The following CASR variants were observed in gnomAD, a reference collection of about 807,000 sequenced individuals.
CASR encodes the protein extracellular calcium-sensing receptor.
In CASR, 23 loss-of-function variants were observed where a neutral mutation model predicts 69.1. The ratio of observed to expected loss-of-function variants is 0.33; its 90% CI spans 0.24 to 0.47. The LOEUF is 0.47. Ranked by LOEUF, CASR falls within the 20% of genes least tolerant of loss-of-function variation. The probability of loss-of-function intolerance (pLI) is 1.00; values close to 1 mark genes in which losing one functional copy is unlikely to be tolerated. For missense variants in CASR, 924 were observed against 1,356.1 expected, an observed-to-expected ratio of 0.68 and a Z score of 5.00; for synonymous variants, 541 against 544.7, an observed-to-expected ratio of 0.99 and a Z score of 0.10.
intron 1 of CASR, among the ~76,000 whole-genome samples, chr3:122,238,585 C>T (rs894720990): frequency 1.3e-5 from 2 of 152,186 alleles, no homozygotes; most frequent in African/African-American, 4.8e-5. Flanking sequence ...TAGGGAGACA[C>T]CAGCCAGGGT....
intron 1 of CASR, among the ~76,000 whole-genome samples, chr3:122,206,100 G>A (rs1260365700): frequency 6.6e-6 from 1 of 152,034 alleles, no homozygotes; most frequent in South Asian, 2.1e-4. Flanking sequence ...AGGACTTCCA[G>A]TGCTGCATTG....
At chr3:122,200,188 T>G (rs2073928351) in intron 1 of CASR, among the ~76,000 whole-genome samples, 1 of 152,208 alleles carries the variant, frequency 6.6e-6, no homozygotes, top group African/African-American at 2.4e-5. Context: ...ATTACAGGCA[T>G]GAGCCACTAC....
chr3:122,282,182 A>C lies in CASR; in HGVS notation c.1678A>C (p.Thr560Pro), dbSNP rs749467949. 1 of 1,614,168 alleles carries C rather than the reference A, an allele frequency of 6.2e-7. No individual in the cohort carries two copies. Among genetic ancestry groups the C allele is most frequent in the South Asian group, 1.1e-5 (1 of 91,080 alleles). ...TRKGIIEGEP[T>P]CCFECVECPD... ...GAAAGGGATCATTGAGGGGGAGCCC[A>C]CCTGCTGCTTTGAGTGTGTGGAGTG... The change falls in exon 6 of 7, where the codon ACC (threonine) becomes CCC (proline). Residue 560 changes from threonine (T) to proline (P), a missense_variant. Around this residue, in one of 8 missense-constraint regions of CASR, gnomAD observed 310 missense variants for 395.7 expected, o/e 0.78. Transcript: ENST00000639785.
intron 1 of CASR, among the ~76,000 whole-genome samples, chr3:122,253,071 T>G (rs971546978): frequency 3.9e-5 from 6 of 152,206 alleles, no homozygotes; most frequent in African/African-American, 1.4e-4. Context: ...TCTCTGAATT[T>G]CGTATAAGAA....
intron 1 of CASR, among the ~76,000 whole-genome samples, chr3:122,243,793 T>C (rs2074401431): frequency 1.3e-5 from 2 of 151,942 alleles, no homozygotes; most frequent in South Asian, 2.1e-4. Context: ...CATCGAAAGA[T>C]GAATGGATAC....
chr3:122,214,902 C>A (rs928380897), intron 1 of CASR, among the ~76,000 whole-genome samples: 3 of 152,010 alleles, frequency 2.0e-5, no homozygotes, highest in Admixed American at 6.5e-5. Flanking sequence ...ACTTGCTTTT[C>A]TTCAGTCATT....
chr3:122,223,423 C>G (rs992977967), intron 1 of CASR, among the ~76,000 whole-genome samples: 3 of 152,160 alleles, frequency 2.0e-5, no homozygotes, highest in Admixed American at 6.5e-5. Context: ...ATCAAAACCT[C>G]TATGCACACA....
intron 4 of CASR, among the ~76,000 whole-genome samples, chr3:122,264,913 C>G (rs1297009719): frequency 6.6e-6 from 1 of 152,192 alleles, no homozygotes; most frequent in African/African-American, 2.4e-5. Context: ...ATAATCTAAT[C>G]CAAGTCTCCA....
chr3:122,243,906 G>A (rs547652048), intron 1 of CASR, among the ~76,000 whole-genome samples: 15 of 152,224 alleles, frequency 9.9e-5, no homozygotes, highest in Non-Finnish European at 1.8e-4. Flanking sequence ...AGATCATTAT[G>A]TTAAGTGAAG....
At chr3:122,230,212 C>A (rs903581556) in intron 1 of CASR, among the ~76,000 whole-genome samples, 1 of 152,172 alleles carries the variant, frequency 6.6e-6, no homozygotes, top group African/African-American at 2.4e-5. Context: ...CTAGGCTTGC[C>A]GGCAGCTGTT....
At chr3:122,205,071 T>C (rs1220975107) in intron 1 of CASR, among the ~76,000 whole-genome samples, 1 of 152,164 alleles carries the variant, frequency 6.6e-6, no homozygotes, top group Non-Finnish European at 1.5e-5. Flanking sequence ...AAAGAAGCTT[T>C]TTAGTTTGAT....
chr3:122,200,955 C>A (rs1049087525), intron 1 of CASR, among the ~76,000 whole-genome samples: 3 of 150,450 alleles, frequency 2.0e-5, no homozygotes, highest in Admixed American at 2.0e-4. Context: ...ATTTTTTTCT[C>A]CATGTAATGC....
At chr3:122,210,870 G>A (rs1257902745) in intron 1 of CASR, among the ~76,000 whole-genome samples, 1 of 152,188 alleles carries the variant, frequency 6.6e-6, no homozygotes, top group Non-Finnish European at 1.5e-5. Context: ...AAACAGGAGG[G>A]TATTGGTACA....
At position 122,285,390 on chromosome 3, in the gene CASR, G is replaced by C. The variant is rs901446175; in HGVS notation, c.*199G>C. On this transcript the variant is annotated 3_prime_UTR_variant, in exon 7 of 7. Coordinates refer to ENST00000639785, the MANE Select transcript of CASR (RefSeq NM_000388.4). ...TAAAATTAAAAAAAAGAAGAGCCTT[G>C]TGTTTCTGTGGTTGCATTTGTCAAA... 2 of 574,738 alleles carry C rather than the reference G, an allele frequency of 3.5e-6. No homozygotes were observed. 35.6% of individuals were successfully genotyped at this position (574,738 alleles called of 1,614,324 possible). A position where few individuals can be genotyped will look rare whatever the true frequency, so the allele number is the denominator to read the frequency against.
intron 3 of CASR, among the ~76,000 whole-genome samples, chr3:122,258,278 A>C (rs10222469): frequency 0.74 from 111,461 of 151,632 alleles, 42,305 homozygotes; most frequent in East Asian, 0.95. Context: ...CTATACCTTA[A>C]ATTTATTTTT....
intron 1 of CASR, among the ~76,000 whole-genome samples, chr3:122,234,990 C>T (rs968777358): frequency 3.3e-5 from 5 of 152,154 alleles, no homozygotes; most frequent in African/African-American, 4.8e-5. Context: ...ATGTTTAGGA[C>T]CATTTCAGTT....
In CASR at chr3:122,243,732, T is replaced by C. The variant is rs543826910; in HGVS notation, c.-242-10216T>C. On this transcript the variant is annotated intron_variant, in intron 1 of 6. Transcript: ENST00000639785. ...CAAAGGGATATCTGCACTTTCATGT[T>C]TGTTGCAGCAGTATTCACAAAAGCC... 2.6e-5 allele frequency among the ~76,000 whole-genome samples: 4 copies of C among 152,200 alleles called. No individual in the cohort carries two copies. The South Asian group carries it at 8.3e-4, about 31-fold the overall frequency.
chr3:122,246,738 T>A (rs939882665), intron 1 of CASR: 1 of 152,214 alleles, frequency 6.6e-6, no homozygotes, highest in African/African-American at 2.4e-5. Context: ...AGTCAGGTCT[T>A]GTTTTTCTTT....
intron 1 of CASR, among the ~76,000 whole-genome samples, chr3:122,207,034 G>A (rs117204045): frequency 2.6e-5 from 4 of 151,352 alleles, no homozygotes; most frequent in East Asian, 1.9e-4. Context: ...TCATTTTGTC[G>A]ACCCATTTTT....
Sources: allele counts gnomAD v4.1 joint callset (sites outside exome capture counted in the v4.1 genomes callset), GRCh38; gene constraint gnomAD v4.1.1; regional missense constraint gnomAD v4.1.1; transcripts MANE v1.5; gene names NCBI Gene and HGNC (gene_info 2026-07-23, HGNC 2026-07-21).